CSMD1: variants seen among roughly 807,000 people sequenced by gnomAD.
The protein encoded by CSMD1 is CUB and sushi domain-containing protein 1.
A neutral mutation model predicts 417.5 loss-of-function variants in CSMD1; 213 were observed. The observed-to-expected ratio is 0.51, with a 90% CI of 0.46 to 0.57. The LOEUF (loss-of-function observed/expected upper bound fraction) is 0.57. CSMD1 is among the 20% of genes least tolerant of loss of function. The probability of loss-of-function intolerance (pLI) is 0.00; values close to 1 mark genes in which losing one functional copy is unlikely to be tolerated. For missense variants in CSMD1, 6,923 were observed against 4,529.7 expected (o/e 1.53, Z -15.17); for synonymous variants, 2,862 against 1,736.8 (o/e 1.65, Z -16.11).
At chr8:4,526,248 T>A (rs1796506631) in intron 2 of CSMD1, among the ~76,000 whole-genome samples, 1 of 152,184 alleles carries the variant, frequency 6.6e-6, no homozygotes, top group African/African-American at 2.4e-5. Flanking sequence ...GACAAGAGAT[T>A]CCCATTATAA....
chr8:3,714,987 C>A (rs1357312568), intron 6 of CSMD1, among the ~76,000 whole-genome samples: 1 of 152,062 alleles, frequency 6.6e-6, no homozygotes, highest in Non-Finnish European at 1.5e-5. Flanking sequence ...AAATTATTTT[C>A]TAATATTAGA....
At chr8:4,500,334 A>G (rs1802197039) in intron 2 of CSMD1, among the ~76,000 whole-genome samples, 1 of 152,210 alleles carries the variant, frequency 6.6e-6, no homozygotes, top group Non-Finnish European at 1.5e-5. Flanking sequence ...ACCACCACAC[A>G]GTAGAATCAC....
At chr8:3,362,075 C>G (rs1406201835) in intron 20 of CSMD1, among the ~76,000 whole-genome samples, 2 of 152,050 alleles carry the variant, frequency 1.3e-5, no homozygotes, top group Non-Finnish European at 2.9e-5. Context: ...TTTTTTTCCC[C>G]CTTCATCAAT....
rs532983279 is a variant in CSMD1 at position 4,206,642 on chromosome 8, C to T, written c.416-174543G>A. Among the ~76,000 whole-genome samples, 15 of 152,244 alleles carry T rather than the reference C, an allele frequency of 9.9e-5. 1 individual carries two copies. Among genetic ancestry groups the T allele is most frequent in the African/African-American group, 3.1e-4 (13 of 41,562 alleles). On this transcript the variant is annotated intron_variant, in intron 3 of 69. Coordinates refer to ENST00000635120, the MANE Select transcript of CSMD1 (RefSeq NM_033225.6). ...CTACTGTGAACAGTGATGCAATAAACGTATGTGTGCATGTGTCTTTACAGC... is the reference window on the plus strand; with the variant it reads ...CTACTGTGAACAGTGATGCAATAAATGTATGTGTGCATGTGTCTTTACAGC...
At chr8:3,822,660 T>A (rs10110717) in intron 5 of CSMD1, among the ~76,000 whole-genome samples, 1 of 151,968 alleles carries the variant, frequency 6.6e-6, no homozygotes, top group Non-Finnish European at 1.5e-5. Flanking sequence ...TCTTCATTTA[T>A]GTCTTCTCAG....
chr8:3,350,027 G>C (rs940204204), intron 21 of CSMD1, among the ~76,000 whole-genome samples: 2 of 142,836 alleles, frequency 1.4e-5, no homozygotes, highest in African/African-American at 5.2e-5. Context: ...TTGTGTATGT[G>C]TGTGTTATAA....
At chr8:4,875,769 G>A (rs1464490627) in intron 1 of CSMD1, among the ~76,000 whole-genome samples, 2 of 151,820 alleles carry the variant, frequency 1.3e-5, no homozygotes, top group East Asian at 1.9e-4. Context: ...AAATTCAGAG[G>A]ATAGGGAACT....
At chr8:4,804,330 A>G in intron 1 of CSMD1, among the ~76,000 whole-genome samples, 1 of 152,318 alleles carries the variant, frequency 6.6e-6, no homozygotes, top group South Asian at 2.1e-4. Flanking sequence ...CATGCTATGG[A>G]ATGTTCAGAA....
intron 5 of CSMD1, among the ~76,000 whole-genome samples, chr8:3,889,168 G>C (rs1026930983): frequency 1.8e-4 from 27 of 151,924 alleles, no homozygotes; most frequent in African/African-American, 5.8e-4. Flanking sequence ...ACAAAATGAA[G>C]TGTGACGATG....
At chr8:3,030,261 C>G (rs1030010105) in intron 50 of CSMD1, among the ~76,000 whole-genome samples, 2 of 151,808 alleles carry the variant, frequency 1.3e-5, no homozygotes, top group African/African-American at 4.8e-5. Flanking sequence ...TATGTGGGTA[C>G]ATATTCTTTG....
At chr8:3,831,995 T>C (rs147697740) in intron 5 of CSMD1, among the ~76,000 whole-genome samples, 4 of 152,268 alleles carry the variant, frequency 2.6e-5, no homozygotes, top group African/African-American at 9.6e-5. Flanking sequence ...CCATCCACAT[T>C]TTTTGGTAAA....
chr8:3,602,204 T>C (rs1801396585), intron 8 of CSMD1, among the ~76,000 whole-genome samples: 1 of 152,188 alleles, frequency 6.6e-6, no homozygotes, highest in South Asian at 2.1e-4. Context: ...TCATGACTGG[T>C]CCATCTTCCT....
chr8:4,776,257 C>G (rs911711487), intron 1 of CSMD1, among the ~76,000 whole-genome samples: 6 of 152,222 alleles, frequency 3.9e-5, no homozygotes, highest in Non-Finnish European at 7.4e-5. Context: ...GAGTTCATTT[C>G]AAGACCCTCC....
chr8:3,269,364 G>C (rs1446236125), intron 26 of CSMD1, among the ~76,000 whole-genome samples: 2 of 152,212 alleles, frequency 1.3e-5, no homozygotes, highest in Non-Finnish European at 2.9e-5. Flanking sequence ...CCCTTCATAG[G>C]CAGAGAAACT....
At chr8:3,415,363 C>T (rs1813062917) in intron 12 of CSMD1, among the ~76,000 whole-genome samples, 1 of 152,078 alleles carries the variant, frequency 6.6e-6, no homozygotes, top group African/African-American at 2.4e-5. Flanking sequence ...TTACATGTTG[C>T]ATTTATTTAT....
chr8:3,780,150 C>G (rs1158973598), intron 5 of CSMD1, among the ~76,000 whole-genome samples: 1 of 152,154 alleles, frequency 6.6e-6, no homozygotes, highest in Non-Finnish European at 1.5e-5. Context: ...CGGGGTGAAA[C>G]ATAGTATGCA....
chr8:3,252,386 C>T (rs1007331401), intron 26 of CSMD1, among the ~76,000 whole-genome samples: 11 of 152,176 alleles, frequency 7.2e-5, no homozygotes, highest in Non-Finnish European at 4.4e-5. Context: ...ATATGTTGAA[C>T]CAGCCTTGCA....
chr8:4,155,037 C>T (rs1268374599), intron 3 of CSMD1, among the ~76,000 whole-genome samples: 1 of 152,202 alleles, frequency 6.6e-6, no homozygotes, highest in East Asian at 1.9e-4. Context: ...CAGAACCTAA[C>T]ACTGCTGCAG....
At chr8:3,955,907 C>A (rs554728961) in intron 5 of CSMD1, among the ~76,000 whole-genome samples, 1 of 152,338 alleles carries the variant, frequency 6.6e-6, no homozygotes, top group South Asian at 2.1e-4. Flanking sequence ...TCAACCTTTG[C>A]CTCCCGGGTT....
Sources: gnomAD v4.1 joint callset for allele counts (sites outside exome capture counted in the v4.1 genomes callset) on GRCh38, gnomAD v4.1.1 for gene constraint, MANE v1.5 for transcripts, NCBI Gene and HGNC (gene_info 2026-07-23, HGNC 2026-07-21) for gene names.